The following HTR1F variants were observed in gnomAD, a reference collection of about 807,000 sequenced individuals.
HTR1F encodes 5-hydroxytryptamine receptor 1F, also known as 5-hydroxytryptamine (serotonin) receptor 1F, G protein-coupled.
In HTR1F, 17 loss-of-function variants were observed where a neutral mutation model predicts 24.0. That is an observed-to-expected ratio of 0.71 (90% CI 0.48 to 1.06). HTR1F has a LOEUF of 1.06. HTR1F is among the 50% of genes least tolerant of loss of function. HTR1F has a pLI of 0.00. For missense variants in HTR1F, 391 were observed against 427.8 expected, an observed-to-expected ratio of 0.91 and a Z score of 0.76; for synonymous variants, 186 against 156.8, an observed-to-expected ratio of 1.19 and a Z score of -1.39.
chr3:87,813,479 C>T (rs537524352), intron 1 of HTR1F, among the ~76,000 whole-genome samples: 6 of 152,270 alleles, frequency 3.9e-5, no homozygotes, highest in African/African-American at 1.4e-4. Flanking sequence ...CTTGCCTTGT[C>T]TCAGGTGAGA....
At chr3:87,878,697 A>AT (rs151134274) in intron 2 of HTR1F, among the ~76,000 whole-genome samples, 1,895 of 151,508 alleles carry the variant, frequency 0.013, 35 homozygotes, top group African/African-American at 0.041. Context: ...ACACACACAG[A>AT]TTTTTTTTTG....
chr3:87,932,236 G>A (rs1244091401), intron 2 of HTR1F, among the ~76,000 whole-genome samples: 3 of 152,100 alleles, frequency 2.0e-5, no homozygotes, highest in South Asian at 2.1e-4. Context: ...GTGTAAGGAA[G>A]GGATCCAGTT....
intron 2 of HTR1F, among the ~76,000 whole-genome samples, chr3:87,942,423 C>A (rs748097442): frequency 2.0e-5 from 3 of 152,088 alleles, no homozygotes; most frequent in Non-Finnish European, 4.4e-5. Flanking sequence ...GTCAAGCATA[C>A]CCGGGGCTCT....
intron 2 of HTR1F, among the ~76,000 whole-genome samples, chr3:87,943,409 G>T (rs12490381): frequency 0.11 from 16,943 of 152,044 alleles, 1,109 homozygotes; most frequent in Non-Finnish European, 0.16. Context: ...ATTTTAATTT[G>T]CTTTAAGTTC....
At chr3:87,846,015 G>T (rs1704932699) in intron 2 of HTR1F, among the ~76,000 whole-genome samples, 1 of 151,924 alleles carries the variant, frequency 6.6e-6, no homozygotes, top group African/African-American at 2.4e-5. Context: ...CTCACTATGT[G>T]CTAGCCATCT....
intron 2 of HTR1F, among the ~76,000 whole-genome samples, chr3:87,888,745 T>A (rs1706014283): frequency 6.6e-6 from 1 of 152,152 alleles, no homozygotes; most frequent in African/African-American, 2.4e-5. Context: ...ATATGTAAAA[T>A]GGGGAGCCTA....
intron 2 of HTR1F, among the ~76,000 whole-genome samples, chr3:87,869,416 G>GATAC (rs1488799253): frequency 0.019 from 2,121 of 113,448 alleles, 22 homozygotes; most frequent in East Asian, 0.025. Flanking sequence ...TAGATAGATA[G>GATAC]ATAGATAGAT....
chr3:87,938,054 C>T (rs1362634257), intron 2 of HTR1F, among the ~76,000 whole-genome samples: 1 of 151,944 alleles, frequency 6.6e-6, no homozygotes, highest in African/African-American at 2.4e-5. Flanking sequence ...AGTGTAAGCC[C>T]AAAGCTTCTT....
intron 1 of HTR1F, among the ~76,000 whole-genome samples, chr3:87,805,151 T>C (rs1457074121): frequency 1.3e-5 from 2 of 152,102 alleles, no homozygotes; most frequent in African/African-American, 4.8e-5. Flanking sequence ...CAAGCCTACA[T>C]TGCTTTTAGT....
At chr3:87,915,059 A>T (rs920610408) in intron 2 of HTR1F, among the ~76,000 whole-genome samples, 1 of 152,176 alleles carries the variant, frequency 6.6e-6, no homozygotes, top group Non-Finnish European at 1.5e-5. Context: ...ACCAGCCCAG[A>T]GGCAGGTAAA....
intron 2 of HTR1F, among the ~76,000 whole-genome samples, chr3:87,839,328 T>C (rs948305108): frequency 2.6e-5 from 4 of 152,132 alleles, no homozygotes; most frequent in African/African-American, 9.7e-5. Flanking sequence ...TGAAAAGACT[T>C]CCCTTTTCTC....
In HTR1F at chr3:87,991,856, A is replaced by G. The variant is rs761623798; in HGVS notation, c.*6A>G. 2.6e-6 allele frequency: 4 copies of G among 1,549,248 alleles called. No individual in the cohort carries two copies. The highest frequency in any genetic ancestry group is 3.5e-6 in the Non-Finnish European group (4 of 1,150,460). ...TTGTGCGATGTCGATGTTAGTTTTA[A>G]AAATGTTTATTATTGAAGGATGGGG... On this transcript the variant is annotated 3_prime_UTR_variant, in exon 3 of 3. Transcript: ENST00000319595.
At chr3:87,922,787 A>T (rs1704039183) in intron 2 of HTR1F, among the ~76,000 whole-genome samples, 1 of 150,624 alleles carries the variant, frequency 6.6e-6, no homozygotes, top group Non-Finnish European at 1.5e-5. Context: ...TCCCTTCCCC[A>T]GTGCATGTTC....
At chr3:87,802,753 G>C (rs1256745745) in intron 1 of HTR1F, among the ~76,000 whole-genome samples, 1 of 152,040 alleles carries the variant, frequency 6.6e-6, no homozygotes, top group African/African-American at 2.4e-5. Context: ...TACAAGCAAG[G>C]GTAGCTTAGT....
intron 2 of HTR1F, among the ~76,000 whole-genome samples, chr3:87,855,034 A>ATCT (rs1394367412): frequency 2.0e-5 from 3 of 151,874 alleles, no homozygotes; most frequent in African/African-American, 7.3e-5. Flanking sequence ...TCTCATTGTT[A>ATCT]TCTTCCCCCC....
At chr3:87,933,685 C>T (rs1230748972) in intron 2 of HTR1F, among the ~76,000 whole-genome samples, 2 of 152,192 alleles carry the variant, frequency 1.3e-5, no homozygotes, top group Non-Finnish European at 2.9e-5. Context: ...TTACAAACCA[C>T]TGCTCAATGA....
At chr3:87,973,084 T>C (rs974572954) in intron 2 of HTR1F, among the ~76,000 whole-genome samples, 1 of 151,808 alleles carries the variant, frequency 6.6e-6, no homozygotes, top group Non-Finnish European at 1.5e-5. Context: ...GGCAGGAGAA[T>C]CGCTTGAACC....
At chr3:87,941,654 T>A (rs1704571756) in intron 2 of HTR1F, among the ~76,000 whole-genome samples, 1 of 152,124 alleles carries the variant, frequency 6.6e-6, no homozygotes, top group South Asian at 2.1e-4. Context: ...CCAGGTGAGT[T>A]GAGACGTTGG....
At chr3:87,849,047 G>A (rs1705015131) in intron 2 of HTR1F, among the ~76,000 whole-genome samples, 1 of 151,386 alleles carries the variant, frequency 6.6e-6, no homozygotes, top group African/African-American at 2.5e-5. Flanking sequence ...GTAATTTACA[G>A]ATTCACTACC....
Sources: allele counts gnomAD v4.1 joint callset (sites outside exome capture counted in the v4.1 genomes callset), GRCh38; gene constraint gnomAD v4.1.1; transcripts MANE v1.5; gene names NCBI Gene and HGNC (gene_info 2026-07-23, HGNC 2026-07-21).